RTKN: variants seen among roughly 807,000 people sequenced by gnomAD.
RTKN encodes the protein rhotekin.
RTKN carries 49 observed loss-of-function variants against 63.5 expected under a neutral mutation model. The observed-to-expected ratio is 0.77, with a 90% CI of 0.61 to 0.98. The LOEUF is 0.98. Among genes scored for constraint, RTKN ranks in the 50% least tolerant of loss-of-function variants. RTKN has a pLI of 0.00. For missense variants in RTKN, 685 were observed against 740.8 expected (o/e 0.92, Z 0.87); for synonymous variants, 295 against 290.4 (o/e 1.02, Z -0.16).
In RTKN at chr2:74,441,784, G is replaced by T. The variant is rs1383885096; in HGVS notation, c.33C>A (p.Thr11=). 3.1e-6 allele frequency: 5 copies of T among 1,611,712 alleles called. No individual in the cohort carries two copies. In the East Asian group the frequency reaches 8.9e-5, roughly 29 times the overall value. ...TCTCCAGGGCGGAGCCCCTGGCCAC[G>T]GTGACCCGGCTCCGGTGGTTTCGGG... MFSRNHRSRV[T]VARGSALEME... The change falls in exon 1 of 12, where the codon ACC becomes ACA. Residue 11 remains threonine, a synonymous_variant. Transcript: ENST00000272430.
chr2:74,425,848 G>C lies in RTKN; in HGVS notation c.*395C>G. The C allele has an allele frequency of 7.2e-7, 1 of 1,380,764 alleles. No individual in the cohort carries two copies. Among genetic ancestry groups the C allele is most frequent in the Non-Finnish European group, 9.9e-7 (1 of 1,014,842 alleles). 85.5% of individuals were successfully genotyped at this position (1,380,764 alleles called of 1,614,324 possible). ...GTGAGGCAGGTCTAGACCAGGCAGA[G>C]AGAGGCACCCTGTCCTCAGGAGCCA... On this transcript the variant is annotated 3_prime_UTR_variant, in exon 12 of 12. Transcript: ENST00000272430.
chr2:74,428,540 A>AT, intron 8 of RTKN, 91 bp downstream of exon 8: 1 of 1,545,118 alleles, frequency 6.5e-7, no homozygotes, highest in South Asian at 1.2e-5. Context: ...TTCCACCCAA[A>AT]TCTTGATTTT....
chr2:74,427,907 A>T, intron 9 of RTKN: 1 of 480,408 alleles, frequency 2.1e-6, no homozygotes, highest in Non-Finnish European at 3.7e-6. Flanking sequence ...AGGAAAGCCC[A>T]TAAAAGGGAT....
intron 6 of RTKN, among the ~76,000 whole-genome samples, chr2:74,429,459 T>G (rs903090056): frequency 2.6e-5 from 4 of 152,184 alleles, no homozygotes; most frequent in African/African-American, 9.7e-5. Context: ...GTGCTGTGGC[T>G]CACGCCTGTA....
intron 1 of RTKN, chr2:74,439,991 A>G (rs1426766402): frequency 1.9e-6 from 2 of 1,075,732 alleles, no homozygotes; most frequent in South Asian, 3.2e-5. Context: ...TGGAAGAAAA[A>G]GGCCCTTTCA....
chr2:74,434,311 T>A (rs1457725486), intron 1 of RTKN, among the ~76,000 whole-genome samples: 1 of 151,044 alleles, frequency 6.6e-6, no homozygotes, highest in Non-Finnish European at 1.5e-5. Context: ...GACCGAGTCT[T>A]ACTCTGTTGC....
chr2:74,437,707 T>A (rs942512474), intron 1 of RTKN, among the ~76,000 whole-genome samples: 1 of 152,242 alleles, frequency 6.6e-6, no homozygotes, highest in Non-Finnish European at 1.5e-5. Context: ...TAAATAGCCA[T>A]ATGTAACTGA....
At chr2:74,440,512 G>A (rs553891037) in intron 1 of RTKN, 103 of 986,772 alleles carry the variant, frequency 1.0e-4, no homozygotes, top group Admixed American at 1.2e-4. Flanking sequence ...TCCACGCCAG[G>A]CCCACGGAGT....
At chr2:74,434,280 C>CT (rs902132687) in intron 1 of RTKN, among the ~76,000 whole-genome samples, 19,220 of 128,040 alleles carry the variant, frequency 0.15, 1,797 homozygotes, top group East Asian at 0.45. Context: ...GTTTTGTATT[C>CT]TTTTTTTTTT....
At chr2:74,435,097 T>C (rs1279892937) in intron 1 of RTKN, among the ~76,000 whole-genome samples, 1 of 151,936 alleles carries the variant, frequency 6.6e-6, no homozygotes, top group Non-Finnish European at 1.5e-5. Context: ...CCCTCTGAGC[T>C]TGGGAGATGA....
rs372027203 is a variant in RTKN at position 74,428,263 on chromosome 2, A to G, written c.1086+5T>C. ...TGGTGGCCTTACTACCAAGGGACCC[A>G]TCACCTTGTTGACAGCAATAGTAAG... On this transcript the variant is annotated splice_donor_5th_base_variant and intron_variant, in intron 9 of 11. Transcript: ENST00000272430. 6 of 1,614,024 alleles carry G rather than the reference A, an allele frequency of 3.7e-6. No homozygotes were observed. Among genetic ancestry groups the G allele is most frequent in the Admixed American group, 1.7e-5 (1 of 60,002 alleles).
At chr2:74,441,236 G>A (rs1671348426) in intron 1 of RTKN, among the ~76,000 whole-genome samples, 2 of 152,220 alleles carry the variant, frequency 1.3e-5, no homozygotes, top group African/African-American at 2.4e-5. Context: ...TCGGGGAAGC[G>A]AGCGGCCCCG....
chr2:74,440,641 C>G, intron 1 of RTKN: 1 of 881,894 alleles, frequency 1.1e-6, no homozygotes, highest in Middle Eastern at 5.7e-4. Context: ...CCCCTGGTCC[C>G]GGGCCTCGCC....
chr2:74,429,741 T>C, intron 6 of RTKN, 87 bp downstream of exon 6: 1 of 1,262,870 alleles, frequency 7.9e-7, no homozygotes, highest in South Asian at 1.3e-5. Context: ...CAATGCAAAA[T>C]GGGTTCTGCA....
chr2:74,426,113 T>C lies in RTKN; in HGVS notation c.*130A>G, dbSNP rs950885338. 7 of 837,378 alleles carry C rather than the reference T, an allele frequency of 8.4e-6. No individual in the cohort carries two copies. Among genetic ancestry groups the C allele is most frequent in the African/African-American group, 3.4e-5 (2 of 59,014 alleles). The allele number at this position is 837,378 out of a possible 1,614,324, so 51.9% of individuals were successfully genotyped here. A position where few individuals can be genotyped will look rare whatever the true frequency, so the allele number is the denominator to read the frequency against. On this transcript the variant is annotated 3_prime_UTR_variant, in exon 12 of 12. Transcript: ENST00000272430. ...GGGGCTTCTGCCCACCCCTGCAGCC[T>C]ACCCCAGGTCCAGCAGAGGAACAGG...
At chr2:74,438,923 T>C (rs765178166) in intron 1 of RTKN, among the ~76,000 whole-genome samples, 13 of 152,256 alleles carry the variant, frequency 8.5e-5, no homozygotes, top group Non-Finnish European at 1.2e-4. Flanking sequence ...CTTTCTTGTC[T>C]TATTCACTGA....
chr2:74,428,228 C>T (rs1450708859), intron 9 of RTKN, 40 bp downstream of exon 9: 3 of 1,613,832 alleles, frequency 1.9e-6, no homozygotes, highest in Non-Finnish European at 2.5e-6. Context: ...GGCTCCTGGG[C>T]CTGTGCCCTT....
At chr2:74,429,302 C>T (rs1409460767) in intron 6 of RTKN, among the ~76,000 whole-genome samples, 5 of 152,090 alleles carry the variant, frequency 3.3e-5, no homozygotes, top group Admixed American at 3.3e-4. Context: ...CTGTTCACTA[C>T]CCAAAGGTTC....
intron 1 of RTKN, chr2:74,440,419 C>G (rs755313693): frequency 1.5e-5 from 15 of 986,570 alleles, no homozygotes; most frequent in Non-Finnish European, 1.8e-5. Context: ...TGCTGCTGTC[C>G]CCGCTCCCTT....
Sources: allele counts gnomAD v4.1 joint callset (sites outside exome capture counted in the v4.1 genomes callset), GRCh38; gene constraint gnomAD v4.1.1; transcripts MANE v1.5; gene names NCBI Gene and HGNC (gene_info 2026-07-23, HGNC 2026-07-21).